Variants in FAM110B observed in about 807,000 individuals in gnomAD.
FAM110B encodes the protein family with sequence similarity 110 member B.
FAM110B carries 6 observed loss-of-function variants against 20.4 expected under a neutral mutation model. The observed-to-expected ratio is 0.29, with a 90% confidence interval of 0.16 to 0.58. The LOEUF (loss-of-function observed/expected upper bound fraction) is 0.58. Ranked by LOEUF, FAM110B falls within the 20% of genes least tolerant of loss-of-function variation. The pLI, the probability that FAM110B is intolerant of heterozygous loss-of-function variation, is 0.90. For synonymous variants in FAM110B, 226 were observed against 214.1 expected (o/e 1.06, Z -0.49); for missense variants, 434 against 498.2 (o/e 0.87, Z 1.23).
chr8:58,055,825 C>T (rs1348824776), intron 2 of FAM110B, among the ~76,000 whole-genome samples: 1 of 152,190 alleles, frequency 6.6e-6, no homozygotes, highest in Non-Finnish European at 1.5e-5. Flanking sequence ...AGGATAAACA[C>T]CCTCAAATCT....
At chr8:58,102,617 A>T (rs549076196) in intron 3 of FAM110B, among the ~76,000 whole-genome samples, 3 of 152,334 alleles carry the variant, frequency 2.0e-5, no homozygotes, top group African/African-American at 7.2e-5. Flanking sequence ...CCTACGCCAT[A>T]ACAGTGTATC....
At chr8:57,999,850 T>G (rs890263575) in intron 1 of FAM110B, among the ~76,000 whole-genome samples, 2 of 152,092 alleles carry the variant, frequency 1.3e-5, no homozygotes, top group African/African-American at 4.8e-5. Context: ...ACTGAGGACT[T>G]TAGAGCTGAC....
chr8:58,004,328 C>G (rs919712589), intron 1 of FAM110B, among the ~76,000 whole-genome samples: 1 of 152,224 alleles, frequency 6.6e-6, no homozygotes, highest in African/African-American at 2.4e-5. Flanking sequence ...AACCTGTTGT[C>G]TAGTTGTAGC....
intron 1 of FAM110B, among the ~76,000 whole-genome samples, chr8:58,013,756 C>G (rs1804586306): frequency 6.6e-6 from 1 of 152,200 alleles, no homozygotes; most frequent in African/African-American, 2.4e-5. Context: ...TTTTTTACTT[C>G]TCATTTTGGG....
chr8:58,080,727 A>T (rs1343291470), intron 3 of FAM110B, among the ~76,000 whole-genome samples: 2 of 152,184 alleles, frequency 1.3e-5, no homozygotes, highest in African/African-American at 2.4e-5. Flanking sequence ...ATGTTCAGAG[A>T]TGCGACCAAA....
chr8:58,129,126 A>G (rs1032561846), intron 3 of FAM110B, among the ~76,000 whole-genome samples: 12 of 152,178 alleles, frequency 7.9e-5, no homozygotes, highest in Non-Finnish European at 1.6e-4. Context: ...TCTTCCCTCT[A>G]ATAGTCAATA....
intron 3 of FAM110B, among the ~76,000 whole-genome samples, chr8:58,080,259 T>G (rs1356233204): frequency 1.3e-5 from 2 of 152,106 alleles, no homozygotes; most frequent in Admixed American, 1.3e-4. Flanking sequence ...TTGAGGGAAG[T>G]CGGACAATGG....
chr8:58,017,104 T>G (rs1804654194), intron 1 of FAM110B, among the ~76,000 whole-genome samples: 1 of 152,150 alleles, frequency 6.6e-6, no homozygotes, highest in Non-Finnish European at 1.5e-5. Flanking sequence ...GCTAGTGTGG[T>G]AGGTAAGGGA....
At chr8:58,138,080 C>T (rs777289889) in intron 3 of FAM110B, among the ~76,000 whole-genome samples, 27 of 152,236 alleles carry the variant, frequency 1.8e-4, no homozygotes, top group African/African-American at 6.0e-4. Flanking sequence ...CCCTGCATTG[C>T]GTAATGAGCA....
At chr8:58,087,602 C>T (rs991596748) in intron 3 of FAM110B, among the ~76,000 whole-genome samples, 3 of 152,156 alleles carry the variant, frequency 2.0e-5, no homozygotes, top group Non-Finnish European at 4.4e-5. Flanking sequence ...CTGGGGCCAT[C>T]TCCTCATTGG....
intron 3 of FAM110B, among the ~76,000 whole-genome samples, chr8:58,089,689 A>C (rs898196357): frequency 7.9e-5 from 12 of 152,236 alleles, no homozygotes; most frequent in African/African-American, 2.7e-4. Flanking sequence ...AAGCTATTGT[A>C]CAGAGGCACT....
intron 1 of FAM110B, among the ~76,000 whole-genome samples, chr8:58,027,687 C>T (rs572286547): frequency 9.2e-5 from 14 of 152,216 alleles, no homozygotes; most frequent in East Asian, 1.9e-4. Flanking sequence ...CATATAAATG[C>T]GATCATACGT....
intron 3 of FAM110B, among the ~76,000 whole-genome samples, chr8:58,124,596 C>T (rs1039575030): frequency 6.6e-6 from 1 of 152,144 alleles, no homozygotes; most frequent in African/African-American, 2.4e-5. Context: ...GAAGGCGCAT[C>T]CTAAATATGC....
chr8:58,094,563 A>G (rs907216296), intron 3 of FAM110B, among the ~76,000 whole-genome samples: 12 of 152,096 alleles, frequency 7.9e-5, no homozygotes, highest in East Asian at 1.9e-4. Context: ...GTTGATTTGC[A>G]TATGTTGAAC....
At chr8:58,145,009 A>G (rs1159849068) in intron 3 of FAM110B, among the ~76,000 whole-genome samples, 1 of 152,238 alleles carries the variant, frequency 6.6e-6, no homozygotes, top group East Asian at 1.9e-4. Flanking sequence ...TTAAAGTAAC[A>G]TATTTTTAGG....
rs1398348643 is a variant in FAM110B, at chr8:58,147,602, T to C, written c.*259T>C. The C allele has an allele frequency of 1.8e-5, 9 of 487,822 alleles. No homozygotes were observed. Among genetic ancestry groups the C allele is most frequent in the South Asian group, 3.3e-5 (1 of 29,904 alleles). 30.2% of individuals were successfully genotyped at this position (487,822 alleles called of 1,614,324 possible). ...GGGCTTTGCTCGTAAGCAAAACTGT[T>C]TACATGAAAATGGTATACAACTTCT... On this transcript the variant is annotated 3_prime_UTR_variant, in exon 4 of 4. Coordinates refer to ENST00000519262, the MANE Select transcript of FAM110B (RefSeq NM_001377989.1).
intron 2 of FAM110B, among the ~76,000 whole-genome samples, chr8:58,051,264 G>C (rs1805435272): frequency 6.6e-6 from 1 of 152,184 alleles, no homozygotes; most frequent in African/African-American, 2.4e-5. Flanking sequence ...GACACAGGGA[G>C]CTGCCCTGAG....
At chr8:58,076,134 A>C (rs552384158) in intron 3 of FAM110B, among the ~76,000 whole-genome samples, 7 of 152,064 alleles carry the variant, frequency 4.6e-5, no homozygotes, top group South Asian at 2.1e-4. Flanking sequence ...ATTTTTAAAA[A>C]TTTTTTCATA....
chr8:58,106,591 T>C (rs565533089), intron 3 of FAM110B, among the ~76,000 whole-genome samples: 3 of 152,248 alleles, frequency 2.0e-5, no homozygotes, highest in Admixed American at 6.5e-5. Flanking sequence ...GGCAGACTTA[T>C]CAGCATAAAT....
Sources: allele counts gnomAD v4.1 joint callset (sites outside exome capture counted in the v4.1 genomes callset), GRCh38; gene constraint gnomAD v4.1.1; transcripts MANE v1.5; gene names NCBI Gene and HGNC (gene_info 2026-07-23, HGNC 2026-07-21).